PCDHA1: variants seen among roughly 807,000 people sequenced by gnomAD.
PCDHA1 encodes protocadherin alpha-1.
PCDHA1 carries 42 observed loss-of-function variants against 61.3 expected under a neutral mutation model. The observed-to-expected ratio is 0.69, with a 90% CI of 0.54 to 0.89. The LOEUF is 0.89. Ranked by LOEUF, PCDHA1 falls within the 40% of genes least tolerant of loss-of-function variation. The pLI is 0.00. For missense variants in PCDHA1, 1,256 were observed against 1,235.3 expected (o/e 1.02, Z -0.25); for synonymous variants, 610 against 553.8 (o/e 1.10, Z -1.43).
intron 1 of PCDHA1, chr5:140,882,709 T>G (rs782343997): frequency 6.2e-7 from 1 of 1,614,022 alleles, no homozygotes; most frequent in Non-Finnish European, 8.5e-7. Flanking sequence ...AATCTAGACC[T>G]CCGGAAACTC....
At chr5:140,850,732 G>C (rs1320738084) in intron 1 of PCDHA1, 1 of 1,597,956 alleles carries the variant, frequency 6.3e-7, no homozygotes, top group Non-Finnish European at 8.6e-7. Flanking sequence ...AGCGCGGTGG[G>C]GAGTTGGTCG....
chr5:140,978,246 C>T (rs1243560833), intron 1 of PCDHA1, among the ~76,000 whole-genome samples: 1 of 152,148 alleles, frequency 6.6e-6, no homozygotes, highest in Non-Finnish European at 1.5e-5. Flanking sequence ...TCAGCTACTC[C>T]CTGTTAAACA....
intron 1 of PCDHA1, chr5:140,830,271 C>A (rs2150183888): frequency 2.5e-6 from 4 of 1,613,702 alleles, no homozygotes; most frequent in East Asian, 2.2e-5. Flanking sequence ...TCGGCGCCAC[C>A]CACCGAGGGC....
chr5:140,804,936 G>T, intron 1 of PCDHA1: 2 of 1,156,586 alleles, frequency 1.7e-6, no homozygotes, highest in South Asian at 2.0e-5. Context: ...ACTATCCTTT[G>T]TTGCTCCCTT....
rs782060470 is a variant in PCDHA1, at chr5:140,801,219, G to A, written c.2394+12535G>A. 2.5e-6 allele frequency: 4 copies of A among 1,607,490 alleles called. No homozygotes were observed. Among genetic ancestry groups the A allele is most frequent in the African/African-American group, 2.7e-5 (2 of 74,620 alleles). ...TGCAATGTTGTTCTCCTGGCGAGAA[G>A]ATCCTGGAGCCCAGTGCCTGCTGCT... On this transcript the variant is annotated intron_variant, in intron 1 of 3. Transcript: ENST00000504120.
In PCDHA1 at chr5:140,788,226, C is replaced by T; in HGVS notation, c.1936C>T (p.Arg646Cys). ...GGACGAGGCTGACTTGTCGCGCTACCGCCTTCTGGTGCTAGTGAAGGATCA... is the reference window on the plus strand; with the variant it reads ...GGACGAGGCTGACTTGTCGCGCTACTGCCTTCTGGTGCTAGTGAAGGATCA... ...VLDEADLSRY[R>C]LLVLVKDHGE... is the part of the protein sequence containing the mutation. Residue 646 changes from arginine (R) to cysteine (C), a missense_variant, in exon 1 of 4, where the codon CGC becomes TGC. Arg to Cys is a radical substitution (Grantham distance 180). Transcript: ENST00000504120. The T allele has an allele frequency of 6.2e-7, 1 of 1,614,060 alleles. No homozygotes were observed. The highest frequency in any genetic ancestry group is 1.1e-5 in the South Asian group (1 of 91,090).
intron 1 of PCDHA1, chr5:140,852,646 A>G (rs1554146012): frequency 1.0e-6 from 1 of 958,708 alleles, no homozygotes; most frequent in Admixed American, 6.4e-5. Context: ...CATTAAACCT[A>G]TCTATATCTG....
chr5:140,879,744 A>T (rs1356373675), intron 1 of PCDHA1, among the ~76,000 whole-genome samples: 1 of 152,212 alleles, frequency 6.6e-6, no homozygotes, highest in Admixed American at 6.5e-5. Flanking sequence ...AGGTGTTGTC[A>T]AGGCTATACT....
At chr5:140,963,957 A>T (rs1585999636) in intron 1 of PCDHA1, among the ~76,000 whole-genome samples, 1 of 152,230 alleles carries the variant, frequency 6.6e-6, no homozygotes. Flanking sequence ...CACTGGCAGG[A>T]GTGTGACTGA....
Position 140,857,574 on chromosome 5 carries a change from T to G in PCDHA1, c.2394+68890T>G, listed in dbSNP as rs1452756689. On this transcript the variant is annotated intron_variant, in intron 1 of 3. Coordinates refer to ENST00000504120, the MANE Select transcript of PCDHA1 (RefSeq NM_018900.4). ...CGCTCGCTGTCGAGCTACGTGTCGGTGCACGCGGAGAGCGGCAAGGTGTAC... is the reference window on the plus strand; with the variant it reads ...CGCTCGCTGTCGAGCTACGTGTCGGGGCACGCGGAGAGCGGCAAGGTGTAC... 26 of 1,596,616 alleles carry G rather than the reference T, an allele frequency of 1.6e-5. 3 individuals carry two copies. Among genetic ancestry groups the G allele is most frequent in the Non-Finnish European group, 2.1e-5 (25 of 1,167,676 alleles).
intron 1 of PCDHA1, among the ~76,000 whole-genome samples, chr5:140,894,750 TTGTG>T (rs2064648260): frequency 6.6e-6 from 1 of 152,080 alleles, no homozygotes; most frequent in Admixed American, 6.5e-5. Context: ...ATTTTTTTTC[TTGTG>T]TGTATTTATT....
At chr5:140,822,792 C>A in intron 1 of PCDHA1, 1 of 1,614,074 alleles carries the variant, frequency 6.2e-7, no homozygotes, top group East Asian at 2.2e-5. Flanking sequence ...TAGTGAAACT[C>A]CTGGATGTGA....
chr5:140,981,468 G>A (rs1554242887), intron 2 of PCDHA1, among the ~76,000 whole-genome samples: 1 of 152,172 alleles, frequency 6.6e-6, no homozygotes, highest in Non-Finnish European at 1.5e-5. Context: ...CAGCTACTTG[G>A]GAGGCTGAGG....
rs1333191283 is a variant in PCDHA1 at position 140,836,505 on chromosome 5, T to C, written c.2394+47821T>C. 11 of 1,613,862 alleles carry C rather than the reference T, an allele frequency of 6.8e-6. No homozygotes were observed. In the African/African-American group the frequency reaches 8.0e-5, roughly 12 times the overall value. On this transcript the variant is annotated intron_variant, in intron 1 of 3. Coordinates refer to ENST00000504120, the MANE Select transcript of PCDHA1 (RefSeq NM_018900.4). Reference sequence around the variant, plus strand: ...CCTGATCATCGCCATCTGCGCGGTGTCCAGTCTGTTGGTGCTTACCCTGCT... The same window carrying C: ...CCTGATCATCGCCATCTGCGCGGTGCCCAGTCTGTTGGTGCTTACCCTGCT...
intron 1 of PCDHA1, chr5:140,803,495 G>C: frequency 6.2e-7 from 1 of 1,614,248 alleles, no homozygotes; most frequent in Non-Finnish European, 8.5e-7. Flanking sequence ...GGTTGCCCAA[G>C]ACCGACCTCA....
chr5:140,812,159 G>T (rs1765050158), intron 1 of PCDHA1: 1 of 151,474 alleles, frequency 6.6e-6, no homozygotes, highest in South Asian at 2.1e-4. Flanking sequence ...TGTTGTTGTT[G>T]TTGTTAGGAG....
rs201131092 is a variant in PCDHA1 at position 141,009,948 on chromosome 5, T to A, written c.*11T>A. ...AACAGTGACCAGTGAGGTCCTCAAATGGAAACAAGCCACTTAGCCAGTTTT... is the reference window on the plus strand; with the variant it reads ...AACAGTGACCAGTGAGGTCCTCAAAAGGAAACAAGCCACTTAGCCAGTTTT... On this transcript the variant is annotated 3_prime_UTR_variant, in exon 4 of 4. Coordinates refer to ENST00000504120, the MANE Select transcript of PCDHA1 (RefSeq NM_018900.4). The A allele has an allele frequency of 9.4e-6, 15 of 1,595,948 alleles. No homozygotes were observed. In the East Asian group the frequency reaches 3.4e-4, roughly 36 times the overall value.
rs1554118071 is a variant in PCDHA1 at position 140,787,958 on chromosome 5, G to A, written c.1668G>A (p.Leu556=). ...ACGTGACGCTGCAGGTGTTCGTGCT[G>A]GACGAGAACGACAACGCGCCGGCGC... is the stretch of plus-strand genomic sequence containing the variant. ...GSNVTLQVFV[L]DENDNAPALL... The change falls in exon 1 of 4, where the codon CTG becomes CTA. Residue 556 remains leucine, a synonymous_variant. Coordinates refer to ENST00000504120, the MANE Select transcript of PCDHA1 (RefSeq NM_018900.4). 6.2e-7 allele frequency: 1 copy of A among 1,613,880 alleles called. No individual in the cohort carries two copies.
Position 141,010,304 on chromosome 5 carries a change from A to C in PCDHA1, c.*367A>C. 1.3e-6 allele frequency: 2 copies of C among 1,548,750 alleles called. No homozygotes were observed. Among genetic ancestry groups the C allele is most frequent in the Non-Finnish European group, 8.7e-7 (1 of 1,146,136 alleles). On this transcript the variant is annotated 3_prime_UTR_variant, in exon 4 of 4. Coordinates refer to ENST00000504120, the MANE Select transcript of PCDHA1 (RefSeq NM_018900.4). ...ATGACACTTGCAGGGCAGGCTGAAA[A>C]GTTTTGAGATTGAGCAGCTTGGGAG...
Sources: gnomAD v4.1 joint callset for allele counts (sites outside exome capture counted in the v4.1 genomes callset) on GRCh38, gnomAD v4.1.1 for gene constraint, MANE v1.5 for transcripts, NCBI Gene and HGNC (gene_info 2026-07-23, HGNC 2026-07-21) for gene names.